The following ST6GALNAC5 variants were observed in gnomAD, a reference collection of about 807,000 sequenced individuals.
The protein encoded by ST6GALNAC5 is alpha-N-acetylgalactosaminide alpha-2,6-sialyltransferase 5.
In ST6GALNAC5, 27 loss-of-function variants were observed where a neutral mutation model predicts 33.6. The observed-to-expected ratio is 0.80, with a 90% CI of 0.59 to 1.11. The LOEUF (loss-of-function observed/expected upper bound fraction) is 1.11. Among genes scored for constraint, ST6GALNAC5 ranks in the 50% least tolerant of loss-of-function variants. The pLI is 0.00. For missense variants in ST6GALNAC5, 428 were observed against 454.0 expected, an observed-to-expected ratio of 0.94 and a Z score of 0.52; for synonymous variants, 194 against 171.2, an observed-to-expected ratio of 1.13 and a Z score of -1.04.
intron 2 of ST6GALNAC5, among the ~76,000 whole-genome samples, chr1:76,891,433 A>T (rs552042604): frequency 6.6e-6 from 1 of 152,056 alleles, no homozygotes; most frequent in Admixed American, 6.5e-5. Flanking sequence ...GCCCATTTTT[A>T]TTGGATTGTT....
intron 2 of ST6GALNAC5, among the ~76,000 whole-genome samples, chr1:77,025,858 C>T (rs1210014881): frequency 3.3e-5 from 5 of 152,158 alleles, no homozygotes; most frequent in Non-Finnish European, 5.9e-5. Flanking sequence ...CAGAGACCCA[C>T]CCACCCTCCA....
chr1:77,036,721 T>G (rs1300609785), intron 2 of ST6GALNAC5, among the ~76,000 whole-genome samples: 1 of 152,266 alleles, frequency 6.6e-6, no homozygotes, highest in Non-Finnish European at 1.5e-5. Context: ...ATTCACTTAT[T>G]CTTTGCAAAG....
rs905891798 is a variant in ST6GALNAC5, at chr1:76,943,374, G to A, written c.261+74632G>A. On this transcript the variant is annotated intron_variant, in intron 2 of 4. Transcript: ENST00000477717. ...CAACATGCATTGTTAATCTATCTGTGACTGATGATTGTTTAGCCAATCAGT... is the reference window on the plus strand; with the variant it reads ...CAACATGCATTGTTAATCTATCTGTAACTGATGATTGTTTAGCCAATCAGT... 1.1e-4 allele frequency among the ~76,000 whole-genome samples: 16 copies of A among 152,192 alleles called. No homozygotes were observed. In the East Asian group the frequency reaches 3.1e-3, roughly 29 times the overall value.
intron 2 of ST6GALNAC5, among the ~76,000 whole-genome samples, chr1:77,022,438 A>G (rs892483473): frequency 2.0e-5 from 3 of 152,224 alleles, no homozygotes; most frequent in Admixed American, 2.0e-4. Context: ...ATTTGCTTAC[A>G]ACAATATTAG....
chr1:76,909,300 A>C (rs1457143733), intron 2 of ST6GALNAC5, among the ~76,000 whole-genome samples: 1 of 152,142 alleles, frequency 6.6e-6, no homozygotes, highest in Non-Finnish European at 1.5e-5. Context: ...CAAAAACTGT[A>C]TAACTGCCAA....
At chr1:76,915,437 C>T (rs1421049374) in intron 2 of ST6GALNAC5, among the ~76,000 whole-genome samples, 3 of 152,124 alleles carry the variant, frequency 2.0e-5, no homozygotes, top group Non-Finnish European at 4.4e-5. Context: ...AGACTTCGAA[C>T]CAACCCAAAT....
At chr1:77,060,675 T>C (rs1020665027) in intron 4 of ST6GALNAC5, among the ~76,000 whole-genome samples, 2 of 152,156 alleles carry the variant, frequency 1.3e-5, no homozygotes, top group Admixed American at 1.3e-4. Flanking sequence ...TTTTAGGGGA[T>C]CAATATGGAG....
intron 2 of ST6GALNAC5, among the ~76,000 whole-genome samples, chr1:76,939,427 G>A (rs1647273738): frequency 6.6e-6 from 1 of 152,042 alleles, no homozygotes; most frequent in East Asian, 1.9e-4. Flanking sequence ...ACTGTCGATG[G>A]AAATGCTGTT....
rs755275791 is a variant in ST6GALNAC5 at position 76,868,594 on chromosome 1, A to G, written c.113A>G (p.Gln38Arg). 8 of 1,517,946 alleles carry G rather than the reference A, an allele frequency of 5.3e-6. No homozygotes were observed. The South Asian group carries it at 8.2e-5, about 16-fold the overall frequency. 94.0% of individuals were successfully genotyped at this position (1,517,946 alleles called of 1,614,324 possible). Residue 38 changes from glutamine (Q) to arginine (R), a missense_variant, in exon 2 of 5, where the codon CAG (glutamine) becomes CGG (arginine). Gln to Arg is a conservative substitution (Grantham distance 43). Transcript: ENST00000477717. The surrounding 1 kb of genome is among the most constrained non-coding windows in gnomAD (Gnocchi z 4.3). Reference protein sequence around the residue: ...SLGGQKERPPQQQQQQQQQQQ... With the variant: ...SLGGQKERPPRQQQQQQQQQQ... The stretch of plus-strand genomic sequence containing the variant: ...GGCGGCCAGAAGGAGCGGCCCCCGC[A>G]GCAGCAGCAGCAGCAGCAGCAACAG...
chr1:76,929,430 T>C (rs560177244), intron 2 of ST6GALNAC5, among the ~76,000 whole-genome samples: 16 of 152,212 alleles, frequency 1.1e-4, no homozygotes, highest in African/African-American at 3.6e-4. Context: ...TCCCATCTAC[T>C]TGGGAGGCTG....
chr1:76,883,048 T>A (rs1488587282), intron 2 of ST6GALNAC5, among the ~76,000 whole-genome samples: 1 of 152,212 alleles, frequency 6.6e-6, no homozygotes, highest in Non-Finnish European at 1.5e-5. Context: ...ATGCAGAGTA[T>A]ACCCAACGTT....
chr1:76,937,860 G>T lies in ST6GALNAC5; in HGVS notation c.261+69118G>T, dbSNP rs369157674. Among the ~76,000 whole-genome samples the T allele has an allele frequency of 9.4e-4, 143 of 152,122 alleles. 6 individuals are homozygous for T. The South Asian group carries it at 0.028, about 30-fold the overall frequency. ...CCAATTTGAACGCCTTATGACTAGGGTATCAATATCTATTTGCCACAAGCT... is the reference window on the plus strand; with the variant it reads ...CCAATTTGAACGCCTTATGACTAGGTTATCAATATCTATTTGCCACAAGCT... On this transcript the variant is annotated intron_variant, in intron 2 of 4. Transcript: ENST00000477717.
At chr1:76,908,638 G>A (rs1022009806) in intron 2 of ST6GALNAC5, among the ~76,000 whole-genome samples, 16 of 152,086 alleles carry the variant, frequency 1.1e-4, no homozygotes, top group Non-Finnish European at 2.2e-4. Context: ...AGGACACCTA[G>A]GTTAGACCTT....
At chr1:76,927,321 G>C (rs17099715) in intron 2 of ST6GALNAC5, among the ~76,000 whole-genome samples, 2,037 of 151,942 alleles carry the variant, frequency 0.013, 49 homozygotes, top group African/African-American at 0.046. Flanking sequence ...CTCAACATTG[G>C]CTATATTGAT....
At chr1:76,892,406 TGCCCTGGAAG>T (rs1355024257) in intron 2 of ST6GALNAC5, among the ~76,000 whole-genome samples, 1 of 152,246 alleles carries the variant, frequency 6.6e-6, no homozygotes, top group East Asian at 1.9e-4. Context: ...ATTTTCCATT[TGCCCTGGAAG>T]GCATTCAGCA....
At position 76,941,121 on chromosome 1, in the gene ST6GALNAC5, T is replaced by C. The variant is rs74092238; in HGVS notation, c.261+72379T>C. Reference sequence around the variant, plus strand: ...TAGCCAGGGTGACCAGATGTCAGGATTGAGAACTCTGTGAGCTTAGGCAAT... The same window carrying C: ...TAGCCAGGGTGACCAGATGTCAGGACTGAGAACTCTGTGAGCTTAGGCAAT... On this transcript the variant is annotated intron_variant, in intron 2 of 4. Coordinates refer to ENST00000477717, the MANE Select transcript of ST6GALNAC5 (RefSeq NM_030965.3). 3.8e-3 allele frequency among the ~76,000 whole-genome samples: 577 copies of C among 152,180 alleles called. 5 individuals carry two copies. The highest frequency in any genetic ancestry group is 0.013 in the African/African-American group (553 of 41,552).
intron 3 of ST6GALNAC5, among the ~76,000 whole-genome samples, chr1:77,048,180 G>A (rs1041933988): frequency 6.6e-6 from 1 of 152,170 alleles, no homozygotes; most frequent in Non-Finnish European, 1.5e-5. Flanking sequence ...TTCAGGCTGT[G>A]GTTTACAATC....
chr1:76,892,556 G>C (rs1325084865), intron 2 of ST6GALNAC5, among the ~76,000 whole-genome samples: 1 of 152,080 alleles, frequency 6.6e-6, no homozygotes, highest in East Asian at 1.9e-4. Context: ...ACATCTAAAT[G>C]TATTTTAAAT....
At chr1:77,024,718 C>G (rs948701604) in intron 2 of ST6GALNAC5, among the ~76,000 whole-genome samples, 1 of 152,228 alleles carries the variant, frequency 6.6e-6, no homozygotes, top group African/African-American at 2.4e-5. Context: ...GCAGTGTGGA[C>G]TGCCTGTGGA....
Sources: allele counts gnomAD v4.1 joint callset (sites outside exome capture counted in the v4.1 genomes callset), GRCh38; gene constraint gnomAD v4.1.1; non-coding constraint Gnocchi (gnomAD v3.1); transcripts MANE v1.5; gene names NCBI Gene and HGNC (gene_info 2026-07-23, HGNC 2026-07-21).